Variants in CHPT1 observed in about 807,000 individuals in gnomAD.
The protein encoded by CHPT1 is cholinephosphotransferase 1.
Under a neutral mutation model 47.6 loss-of-function variants are expected in CHPT1, and 36 were observed. That is an observed-to-expected ratio of 0.76 (90% CI 0.58 to 1.00). The LOEUF (loss-of-function observed/expected upper bound fraction) is 1.00, where lower values mean the gene tolerates loss of function less well. Among genes scored for constraint, CHPT1 ranks in the 50% least tolerant of loss-of-function variants. CHPT1 has a pLI of 0.00. For missense variants in CHPT1, 458 were observed against 498.1 expected (o/e 0.92, Z 0.77); for synonymous variants, 194 against 186.3 (o/e 1.04, Z -0.33).
In CHPT1 at chr12:101,723,833, C is replaced by T. The variant is rs765202598; in HGVS notation, c.1051C>T (p.Leu351=). 9 of 1,515,742 alleles carry T rather than the reference C, an allele frequency of 5.9e-6. No homozygotes were observed. The Admixed American group carries it at 1.6e-4, about 27-fold the overall frequency. 93.9% of individuals were successfully genotyped at this position (1,515,742 alleles called of 1,614,324 possible). Residue 351 remains leucine, a synonymous_variant, in exon 7 of 9, where the codon CTA becomes TTA. Coordinates refer to ENST00000229266, the MANE Select transcript of CHPT1 (RefSeq NM_020244.3). ...FNNFIDEYVV[L]WMAMVISSFD... ...TAACTTTATAGACGAATATGTTGTT[C>T]TATGGATGGCAATGGTAAGTATTTT...
chr12:101,700,374 A>G (rs1278284003), intron 1 of CHPT1, among the ~76,000 whole-genome samples: 1 of 151,972 alleles, frequency 6.6e-6, no homozygotes, highest in Non-Finnish European at 1.5e-5. Flanking sequence ...ATTTAAAAAT[A>G]AAGTGCAAAA....
chr12:101,699,247 C>G (rs1440761525), intron 1 of CHPT1, among the ~76,000 whole-genome samples: 1 of 152,074 alleles, frequency 6.6e-6, no homozygotes, highest in African/African-American at 2.4e-5. Flanking sequence ...GCCACCACGG[C>G]CGACTCACTT....
chr12:101,720,038 C>A, intron 4 of CHPT1, 85 bp from the exon 5 acceptor site: 2 of 845,968 alleles, frequency 2.4e-6, no homozygotes, highest in Non-Finnish European at 3.6e-6. Flanking sequence ...GCTTATTGTA[C>A]AGGGCTTATC....
At chr12:101,707,611 A>G (rs1951650819) in intron 1 of CHPT1, among the ~76,000 whole-genome samples, 1 of 152,212 alleles carries the variant, frequency 6.6e-6, no homozygotes. Context: ...GGGGTGAGTG[A>G]GAAAGACACA....
Position 101,720,259 on chromosome 12 carries a change from G to A in CHPT1, c.780+5G>A, listed in dbSNP as rs759310820. The A allele has an allele frequency of 6.3e-7, 1 of 1,584,602 alleles. No individual in the cohort carries two copies. The highest frequency in any genetic ancestry group is 8.6e-7 in the Non-Finnish European group (1 of 1,168,752). On this transcript the variant is annotated splice_donor_5th_base_variant and intron_variant, in intron 5 of 8. Coordinates refer to ENST00000229266, the MANE Select transcript of CHPT1 (RefSeq NM_020244.3). ...AAGAATGGATCCACTATAGCAGTAA[G>A]GCAATAATTTCATCATTCAGTGTCA...
At chr12:101,708,086 A>G (rs1951657441) in intron 1 of CHPT1, among the ~76,000 whole-genome samples, 1 of 152,138 alleles carries the variant, frequency 6.6e-6, no homozygotes, top group Non-Finnish European at 1.5e-5. Context: ...CTTTGAGACT[A>G]TGGTAGGAGT....
chr12:101,698,318 A>G (rs986609456), intron 1 of CHPT1, among the ~76,000 whole-genome samples, 184 bp downstream of exon 1: 11 of 152,108 alleles, frequency 7.2e-5, no homozygotes, highest in Non-Finnish European at 7.4e-5. Flanking sequence ...CACTATCCCA[A>G]TCCCGTGACC....
At chr12:101,712,416 G>A (rs1044040438) in intron 1 of CHPT1, among the ~76,000 whole-genome samples, 1 of 148,558 alleles carries the variant, frequency 6.7e-6, no homozygotes, top group South Asian at 2.1e-4. Context: ...GGTTTGTTGA[G>A]CTTCTTGGAC....
At chr12:101,703,643 C>G (rs1951586917) in intron 1 of CHPT1, among the ~76,000 whole-genome samples, 2 of 152,152 alleles carry the variant, frequency 1.3e-5, no homozygotes, top group Non-Finnish European at 2.9e-5. Context: ...TTCTGACCAC[C>G]AAGGCTCCTC....
intron 1 of CHPT1, among the ~76,000 whole-genome samples, chr12:101,703,601 C>G (rs1266706846): frequency 6.6e-6 from 1 of 152,200 alleles, no homozygotes; most frequent in African/African-American, 2.4e-5. Flanking sequence ...TAGGGCCTTC[C>G]TCATTGGCTT....
intron 1 of CHPT1, among the ~76,000 whole-genome samples, chr12:101,710,115 C>G (rs1277287702): frequency 6.7e-6 from 1 of 148,572 alleles, no homozygotes; most frequent in Non-Finnish European, 1.5e-5. Flanking sequence ...GAGGCTGAGG[C>G]AGGTGGATCA....
At chr12:101,701,200 C>T (rs1390939289) in intron 1 of CHPT1, among the ~76,000 whole-genome samples, 1 of 152,206 alleles carries the variant, frequency 6.6e-6, no homozygotes, top group African/African-American at 2.4e-5. Flanking sequence ...GAACTTCTTA[C>T]TATAACAAGG....
At chr12:101,704,015 T>A (rs1951593933) in intron 1 of CHPT1, among the ~76,000 whole-genome samples, 1 of 152,256 alleles carries the variant, frequency 6.6e-6, no homozygotes, top group African/African-American at 2.4e-5. Context: ...CTAATGTCCT[T>A]TCTTCCTATG....
At chr12:101,719,478 T>A in intron 4 of CHPT1, 1 of 1,167,020 alleles carries the variant, frequency 8.6e-7, no homozygotes, top group South Asian at 1.3e-5. Context: ...AATCCTTTGC[T>A]GCCTTTGGAA....
chr12:101,716,073 A>C (rs1951759358), intron 3 of CHPT1, among the ~76,000 whole-genome samples: 1 of 152,196 alleles, frequency 6.6e-6, no homozygotes, highest in South Asian at 2.1e-4. Flanking sequence ...ACGTGAAGAG[A>C]GGAGAAAATT....
intron 1 of CHPT1, among the ~76,000 whole-genome samples, chr12:101,698,411 C>T (rs1274768217): frequency 6.6e-6 from 1 of 152,192 alleles, no homozygotes; most frequent in Non-Finnish European, 1.5e-5. Context: ...TCCCCACGGC[C>T]GCGGACGGGC....
intron 7 of CHPT1, among the ~76,000 whole-genome samples, chr12:101,725,192 G>T (rs1365574415): frequency 6.6e-6 from 1 of 151,966 alleles, no homozygotes. Context: ...TTTTTCTGGA[G>T]TAACTTAATA....
At chr12:101,716,890 C>CA (rs1281811360) in intron 4 of CHPT1, 78 bp downstream of exon 4, 1 of 851,074 alleles carries the variant, frequency 1.2e-6, no homozygotes, top group Non-Finnish European at 1.7e-6. Context: ...TAATTTTCTT[C>CA]AAAAATCCTT....
chr12:101,719,156 G>GGAAA (rs1555262966), intron 4 of CHPT1, among the ~76,000 whole-genome samples: 3 of 95,040 alleles, frequency 3.2e-5, no homozygotes. Context: ...CTCGTCTCAA[G>GGAAA]AAAAAAAAAA....
Sources: gnomAD v4.1 joint callset for allele counts (sites outside exome capture counted in the v4.1 genomes callset) on GRCh38, gnomAD v4.1.1 for gene constraint, MANE v1.5 for transcripts, NCBI Gene and HGNC (gene_info 2026-07-23, HGNC 2026-07-21) for gene names.